The following FARS2 variants were observed in gnomAD, a reference collection of about 807,000 sequenced individuals.
The protein encoded by FARS2 is phenylalanine--tRNA ligase, mitochondrial.
FARS2 carries 40 observed loss-of-function variants against 46.4 expected under a neutral mutation model. The observed-to-expected ratio is 0.86, with a 90% CI of 0.67 to 1.12. The LOEUF is 1.12. Among genes scored for constraint, FARS2 ranks in the 50% most tolerant of loss-of-function variants. The probability of loss-of-function intolerance (pLI) is 0.00; values close to 1 mark genes in which losing one functional copy is unlikely to be tolerated. For missense variants in FARS2, 513 were observed against 567.9 expected (o/e 0.90, Z 0.98); for synonymous variants, 234 against 214.9 (o/e 1.09, Z -0.78).
intron 4 of FARS2, among the ~76,000 whole-genome samples, chr6:5,477,043 A>G (rs1214702522): frequency 6.6e-6 from 1 of 152,208 alleles, no homozygotes; most frequent in Non-Finnish European, 1.5e-5. Context: ...AAAGATAATC[A>G]GGCCTGGCAA....
Position 5,369,082 on chromosome 6 carries a change from T to C in FARS2, c.512T>C (p.Phe171Ser). 6.2e-7 allele frequency: 1 copy of C among 1,613,958 alleles called. No individual in the cohort carries two copies. Among genetic ancestry groups the C allele is most frequent in the Non-Finnish European group, 8.5e-7 (1 of 1,180,004 alleles). ...WDLLHAGLDA[F>S]LVVGDVYRRD... ...TTGCTGCACGCGGGACTGGATGCCT[T>C]CCTGGTGGTGGGTGATGTCTACAGG... Residue 171 changes from phenylalanine to serine, a missense_variant, in exon 2 of 7, where the codon TTC becomes TCC. By Grantham distance (155) the Phe-to-Ser change is radical. Transcript: ENST00000274680.
Position 5,284,619 on chromosome 6 carries a change from A to G in FARS2, c.-22+22959A>G, listed in dbSNP as rs9378944. 0.051 allele frequency among the ~76,000 whole-genome samples: 7,828 copies of G among 152,184 alleles called. 1,080 individuals are homozygous for G. In the East Asian group the frequency reaches 0.58, roughly 11 times the overall value. ...TTATCACTGGAACTACTTTTCAGAG[A>G]TCACCAGTCGCCTTCTGGTGATTAC... On this transcript the variant is annotated intron_variant, in intron 1 of 6. Coordinates refer to ENST00000274680, the MANE Select transcript of FARS2 (RefSeq NM_006567.5).
intron 4 of FARS2, among the ~76,000 whole-genome samples, chr6:5,433,931 A>G (rs1763373263): frequency 6.6e-6 from 1 of 152,190 alleles, no homozygotes; most frequent in African/African-American, 2.4e-5. Flanking sequence ...CAGATTTCCA[A>G]GTCATTATTG....
At chr6:5,400,245 G>T (rs1050059701) in intron 2 of FARS2, among the ~76,000 whole-genome samples, 12 of 151,960 alleles carry the variant, frequency 7.9e-5, no homozygotes. Context: ...GTGTTCAGGG[G>T]TCATTTTCAT....
intron 5 of FARS2, among the ~76,000 whole-genome samples, chr6:5,550,348 TCACTGCAACCTC>T (rs941755430): frequency 4.7e-4 from 71 of 152,192 alleles, no homozygotes; most frequent in Non-Finnish European, 7.4e-4. Flanking sequence ...CCATCACGGC[TCACTGCAACCTC>T]CACCTCCCAG....
intron 1 of FARS2, among the ~76,000 whole-genome samples, chr6:5,301,595 C>A (rs1768303918): frequency 6.6e-6 from 1 of 152,116 alleles, no homozygotes; most frequent in South Asian, 2.1e-4. Flanking sequence ...AAAATCATTT[C>A]TAAGGGAAGC....
At chr6:5,375,224 T>C (rs1267100548) in intron 2 of FARS2, among the ~76,000 whole-genome samples, 1 of 152,062 alleles carries the variant, frequency 6.6e-6, no homozygotes, top group Non-Finnish European at 1.5e-5. Context: ...TCAACAAAGT[T>C]GTTGGATTCA....
At chr6:5,740,815 T>G (rs1043482265) in intron 6 of FARS2, among the ~76,000 whole-genome samples, 1 of 152,194 alleles carries the variant, frequency 6.6e-6, no homozygotes, top group Non-Finnish European at 1.5e-5. Context: ...CACTCCAGGA[T>G]CCGTGTTGTA....
intron 1 of FARS2, among the ~76,000 whole-genome samples, chr6:5,264,897 G>A (rs1765447297): frequency 6.6e-6 from 1 of 151,708 alleles, no homozygotes; most frequent in East Asian, 1.9e-4. Flanking sequence ...GTGCTGAAGT[G>A]ATTTTCCTGC....
chr6:5,368,593 G>A lies in FARS2; in HGVS notation c.23G>A (p.Arg8Lys). The A allele has an allele frequency of 6.2e-7, 1 of 1,612,932 alleles. No individual in the cohort carries two copies. Among genetic ancestry groups the A allele is most frequent in the Non-Finnish European group, 8.5e-7 (1 of 1,179,238 alleles). The change falls in exon 2 of 7, where the codon AGA (arginine) becomes AAA (lysine). Residue 8 changes from arginine to lysine, a missense_variant. Physicochemically the swap from Arg to Lys is conservative, Grantham distance 26. Transcript: ENST00000274680. MVGSALR[R>K]GAHAYVYLVS... The stretch of plus-strand genomic sequence containing the variant: ...ACAATGGTGGGCTCAGCTCTCAGGA[G>A]AGGTGCCCATGCATATGTCTACCTG...
intron 5 of FARS2, among the ~76,000 whole-genome samples, chr6:5,587,551 T>A (rs1345418848): frequency 6.6e-6 from 1 of 152,228 alleles, no homozygotes; most frequent in Non-Finnish European, 1.5e-5. Context: ...TATTTCATGC[T>A]GTGTTTCTGG....
At chr6:5,354,927 T>C (rs1250948344) in intron 1 of FARS2, among the ~76,000 whole-genome samples, 1 of 152,180 alleles carries the variant, frequency 6.6e-6, no homozygotes, top group Non-Finnish European at 1.5e-5. Flanking sequence ...AGGGTAGGGC[T>C]TGAGAATCTA....
At chr6:5,481,614 C>T (rs951968481) in intron 4 of FARS2, among the ~76,000 whole-genome samples, 2 of 152,164 alleles carry the variant, frequency 1.3e-5, no homozygotes, top group Non-Finnish European at 2.9e-5. Context: ...TTTTCTATCC[C>T]GAGGCCCTTG....
intron 6 of FARS2, among the ~76,000 whole-genome samples, chr6:5,696,033 T>A (rs1299119881): frequency 6.6e-6 from 1 of 152,308 alleles, no homozygotes; most frequent in Admixed American, 6.5e-5. Flanking sequence ...CAGCTGTAGG[T>A]TTGACAAAGA....
intron 3 of FARS2, among the ~76,000 whole-genome samples, chr6:5,414,463 T>G (rs1382292731): frequency 6.6e-6 from 1 of 152,228 alleles, no homozygotes; most frequent in East Asian, 1.9e-4. Context: ...TGCTTTCTGT[T>G]ACTATAGGTT....
chr6:5,712,495 C>T (rs1484218483), intron 6 of FARS2, among the ~76,000 whole-genome samples: 4 of 152,208 alleles, frequency 2.6e-5, no homozygotes, highest in African/African-American at 7.2e-5. Context: ...TTAGAACCAC[C>T]GTTTCCCCTA....
intron 1 of FARS2, among the ~76,000 whole-genome samples, chr6:5,317,991 T>A (rs1188742283): frequency 6.6e-6 from 1 of 152,018 alleles, no homozygotes; most frequent in Non-Finnish European, 1.5e-5. Context: ...GGGGAACTTT[T>A]CACACCGGTG....
intron 5 of FARS2, among the ~76,000 whole-genome samples, chr6:5,578,325 G>A (rs1272339842): frequency 6.6e-6 from 1 of 152,058 alleles, no homozygotes; most frequent in East Asian, 1.9e-4. Context: ...TCACTGGGCA[G>A]GGAGGGAACT....
intron 6 of FARS2, among the ~76,000 whole-genome samples, chr6:5,658,402 T>TA (rs1166410483): frequency 6.6e-6 from 1 of 152,230 alleles, no homozygotes; most frequent in Non-Finnish European, 1.5e-5. Flanking sequence ...CAAGACTTTT[T>TA]ATCTCCAGTA....
Sources: gnomAD v4.1 joint callset for allele counts (sites outside exome capture counted in the v4.1 genomes callset) on GRCh38, gnomAD v4.1.1 for gene constraint, MANE v1.5 for transcripts, NCBI Gene and HGNC (gene_info 2026-07-23, HGNC 2026-07-21) for gene names.